SMARCA1: variants seen among roughly 807,000 people sequenced by gnomAD.
The protein encoded by SMARCA1 is SWI/SNF-related matrix-associated actin-dependent regulator of chromatin subfamily A member 1.
A neutral mutation model predicts 93.6 loss-of-function variants in SMARCA1; 17 were observed. The observed-to-expected ratio is 0.18, with a 90% CI of 0.12 to 0.27. The LOEUF (loss-of-function observed/expected upper bound fraction) is 0.27. Among genes scored for constraint, SMARCA1 ranks in the 10% least tolerant of loss-of-function variants. The probability of loss-of-function intolerance (pLI) is 1.00; values close to 1 mark genes in which losing one functional copy is unlikely to be tolerated. For missense variants in SMARCA1, 630 were observed against 819.0 expected (o/e 0.77, Z 2.82); for synonymous variants, 271 against 271.4 (o/e 1.00, Z 0.01).
rs1932890864 is a variant in SMARCA1, at chrX:129,465,649, A to G, written c.2901T>C (p.Asp967=). The part of the protein sequence containing the change: ...SKGKNYTEEE[D]RFLICMLHKM... ...TGTGTAACATACAAATCAAGAATCT[A>G]TCTTCTTCCTCAGTATAGTTCTTTC... The change falls in exon 23 of 25, where the codon GAT becomes GAC. Residue 967 remains aspartate (D), a synonymous_variant. Coordinates refer to ENST00000371121, the MANE Select transcript of SMARCA1 (RefSeq NM_001282874.2). 3.3e-6 allele frequency: 4 copies of G among 1,201,737 alleles called. No homozygotes were observed. Among genetic ancestry groups the G allele is most frequent in the Admixed American group, 2.2e-5 (1 of 45,540 alleles).
chrX:129,514,832 A>G (rs1935136793), intron 5 of SMARCA1, among the ~76,000 whole-genome samples: 1 of 110,636 alleles, frequency 9.0e-6, no homozygotes, highest in Admixed American at 9.6e-5. Context: ...GGTGGATCAC[A>G]AGGTCAGGAG....
chrX:129,523,231 G>C lies in SMARCA1; in HGVS notation c.140C>G (p.Thr47Ser). The change falls in exon 1 of 25, where the codon ACC becomes AGC. Residue 47 changes from threonine to serine, a missense_variant. Around this residue, in one of 4 missense-constraint regions of SMARCA1, gnomAD observed 103 missense variants for 82.0 expected, o/e 1.26. Transcript: ENST00000371121. ...EGAAAAATEA[T>S]AATEKGEKKK... The stretch of plus-strand genomic sequence containing the variant: ...CTTCTCGCCCTTCTCCGTGGCCGCG[G>C]TGGCTTCGGTGGCCGCGGCGGCCGC... 1 of 1,211,186 alleles carries C rather than the reference G, an allele frequency of 8.3e-7. No homozygotes were observed. Among genetic ancestry groups the C allele is most frequent in the Non-Finnish European group, 1.1e-6 (1 of 895,227 alleles).
At chrX:129,465,320 C>T (rs1416850420) in intron 23 of SMARCA1, among the ~76,000 whole-genome samples, 200 bp downstream of exon 23, 1 of 110,657 alleles carries the variant, frequency 9.0e-6, no homozygotes, top group Non-Finnish European at 1.9e-5. Flanking sequence ...TATAGATGTC[C>T]CCGTATTTTT....
At chrX:129,457,479 G>C (rs1207960275) in intron 23 of SMARCA1, among the ~76,000 whole-genome samples, 2 of 112,141 alleles carry the variant, frequency 1.8e-5, no homozygotes, top group East Asian at 2.8e-4. Flanking sequence ...TTGAGCAGGA[G>C]GAGTGATGTA....
At chrX:129,449,608 T>C (rs1321034051) in intron 23 of SMARCA1, among the ~76,000 whole-genome samples, 2 of 112,356 alleles carry the variant, frequency 1.8e-5, no homozygotes, top group Non-Finnish European at 3.8e-5. Flanking sequence ...CGGAATATCA[T>C]ATATTATTAA....
chrX:129,478,434 T>C (rs975736192), intron 19 of SMARCA1, among the ~76,000 whole-genome samples: 8 of 111,967 alleles, frequency 7.1e-5, no homozygotes, highest in African/African-American at 1.9e-4. Context: ...TAAGGTGCAA[T>C]AGCACGAATT....
chrX:129,466,320 G>C (rs1325612967), intron 21 of SMARCA1, among the ~76,000 whole-genome samples: 1 of 111,147 alleles, frequency 9.0e-6, no homozygotes, highest in Non-Finnish European at 1.9e-5. Context: ...TGACACAGGA[G>C]AGAGTAATAT....
intron 5 of SMARCA1, among the ~76,000 whole-genome samples, chrX:129,512,934 T>C (rs141965832): frequency 0.016 from 1,764 of 112,062 alleles, 100 homozygotes; most frequent in Admixed American, 0.15. Flanking sequence ...AGAAGTTGAA[T>C]AAAATTATGG....
At chrX:129,480,637 G>A in intron 19 of SMARCA1, 64 bp downstream of exon 19, 1 of 439,289 alleles carries the variant, frequency 2.3e-6, no homozygotes, top group Non-Finnish European at 3.4e-6. Flanking sequence ...TTCTAGTCTA[G>A]ATTAACAGAT....
intron 23 of SMARCA1, among the ~76,000 whole-genome samples, chrX:129,459,375 T>C (rs923358015): frequency 2.7e-5 from 3 of 112,018 alleles, no homozygotes; most frequent in African/African-American, 9.7e-5. Flanking sequence ...ACCGAGATTA[T>C]GCCACTGCAC....
In SMARCA1 at chrX:129,482,103, T is replaced by C. The variant is rs746829999; in HGVS notation, c.2218-918A>G. ...AGAACAAAAAACCAAACACCGCATATTCTCACTCATAGGTGGGAATTGAAC... is the reference window on the plus strand; with the variant it reads ...AGAACAAAAAACCAAACACCGCATACTCTCACTCATAGGTGGGAATTGAAC... On this transcript the variant is annotated intron_variant, in intron 17 of 24. Coordinates refer to ENST00000371121, the MANE Select transcript of SMARCA1 (RefSeq NM_001282874.2). Among the ~76,000 whole-genome samples, 756 of 88,493 alleles carry C rather than the reference T, an allele frequency of 8.5e-3. 6 individuals carry two copies. The highest frequency in any genetic ancestry group is 0.027 in the Middle Eastern group (5 of 183). The allele number at this position is 88,493 out of a possible 115,157, so 76.8% of individuals were successfully genotyped here. A position where few individuals can be genotyped will look rare whatever the true frequency, so the allele number is the denominator to read the frequency against.
intron 12 of SMARCA1, among the ~76,000 whole-genome samples, chrX:129,495,481 G>A (rs1033768775): frequency 1.4e-4 from 16 of 111,428 alleles, no homozygotes; most frequent in Admixed American, 1.9e-4. Context: ...TCGGCCTCCA[G>A]AGGAGCAAGG....
intron 17 of SMARCA1, among the ~76,000 whole-genome samples, chrX:129,483,603 G>C (rs1240892489): frequency 8.9e-6 from 1 of 111,943 alleles, no homozygotes; most frequent in Admixed American, 9.5e-5. Context: ...CATTCTACAA[G>C]TGATGTATTT....
At chrX:129,496,599 C>A in intron 12 of SMARCA1, 151 bp downstream of exon 12, 1 of 456,371 alleles carries the variant, frequency 2.2e-6, no homozygotes, top group Non-Finnish European at 3.7e-6. Flanking sequence ...ATGGAAGCCA[C>A]ACTGAAGATT....
intron 5 of SMARCA1, among the ~76,000 whole-genome samples, chrX:129,514,186 G>A (rs910714908): frequency 2.7e-4 from 30 of 111,680 alleles, no homozygotes; most frequent in Non-Finnish European, 5.1e-4. Flanking sequence ...GCGCGGTGGC[G>A]GGCGCCTGTA....
chrX:129,448,876 G>T (rs906093536), intron 23 of SMARCA1, among the ~76,000 whole-genome samples: 1 of 109,689 alleles, frequency 9.1e-6, no homozygotes, highest in African/African-American at 3.3e-5. Context: ...AGAGGAGAGA[G>T]GGTAGGTGTG....
chrX:129,485,799 C>T (rs1933864214), intron 17 of SMARCA1, among the ~76,000 whole-genome samples: 1 of 111,146 alleles, frequency 9.0e-6, no homozygotes. Context: ...CTCTCTGGTA[C>T]TGTCTCTCTC....
At chrX:129,521,557 T>C (rs878952216) in intron 1 of SMARCA1, among the ~76,000 whole-genome samples, 1 of 111,733 alleles carries the variant, frequency 8.9e-6, no homozygotes, top group Non-Finnish European at 1.9e-5. Context: ...TATAGCTTTT[T>C]TATTGGTCTC....
chrX:129,523,203 C>T lies in SMARCA1; in HGVS notation c.168G>A (p.Lys56=). The T allele has an allele frequency of 8.3e-7, 1 of 1,211,390 alleles. No individual in the cohort carries two copies. The highest frequency in any genetic ancestry group is 1.1e-6 in the Non-Finnish European group (1 of 895,185). The change falls in exon 1 of 25, where the codon AAG becomes AAA. Residue 56 remains lysine (K), a synonymous_variant. Transcript: ENST00000371121. ...ATAATEKGEK[K]KEKNVSSFQL... ...ACACCCCCTTCCTATTTACCTCCTTCTTCTTCTCGCCCTTCTCCGTGGCCG... is the reference window on the plus strand; with the variant it reads ...ACACCCCCTTCCTATTTACCTCCTTTTTCTTCTCGCCCTTCTCCGTGGCCG...
Sources: allele counts gnomAD v4.1 joint callset (sites outside exome capture counted in the v4.1 genomes callset), GRCh38; gene constraint gnomAD v4.1.1; regional missense constraint gnomAD v4.1.1; transcripts MANE v1.5; gene names NCBI Gene and HGNC (gene_info 2026-07-23, HGNC 2026-07-21).